Variants in IQGAP2 observed in about 807,000 individuals in gnomAD.
The protein encoded by IQGAP2 is ras GTPase-activating-like protein IQGAP2.
Under a neutral mutation model 201.3 loss-of-function variants are expected in IQGAP2, and 173 were observed. That is an observed-to-expected ratio of 0.86 (90% CI 0.76 to 0.98). The LOEUF (loss-of-function observed/expected upper bound fraction) is 0.98. IQGAP2 is among the 50% of genes least tolerant of loss of function. IQGAP2 has a pLI of 0.00. For missense variants in IQGAP2, 1,687 were observed against 1,864.8 expected, an observed-to-expected ratio of 0.90 and a Z score of 1.76; for synonymous variants, 675 against 673.9, an observed-to-expected ratio of 1.00 and a Z score of -0.03.
chr5:76,458,473 C>T (rs1364841502), intron 1 of IQGAP2, among the ~76,000 whole-genome samples: 1 of 152,146 alleles, frequency 6.6e-6, no homozygotes, highest in Non-Finnish European at 1.5e-5. Flanking sequence ...GAAGGACTTG[C>T]TTTTGCTGTT....
chr5:76,695,716 A>AG, intron 32 of IQGAP2, 50 bp downstream of exon 32: 1 of 1,477,648 alleles, frequency 6.8e-7, no homozygotes, highest in Non-Finnish European at 9.4e-7. Context: ...ACATTTGCTA[A>AG]TCACCAGTCA....
chr5:76,664,471 G>A lies in IQGAP2; in HGVS notation c.2530-555G>A, dbSNP rs144092693. On this transcript the variant is annotated intron_variant, in intron 21 of 35. Transcript: ENST00000274364. ...AGGCCAAAGCGGGTGGATCAAGAGGGCAGGAGATCGAGACCAGCCTGGCCA... is the reference window on the plus strand; with the variant it reads ...AGGCCAAAGCGGGTGGATCAAGAGGACAGGAGATCGAGACCAGCCTGGCCA... 6.7e-3 allele frequency among the ~76,000 whole-genome samples: 1,020 copies of A among 152,234 alleles called. 4 individuals carry two copies. Among genetic ancestry groups the A allele is most frequent in the Non-Finnish European group, 0.011 (729 of 68,006 alleles).
At chr5:76,586,901 T>C (rs1488150657) in intron 5 of IQGAP2, among the ~76,000 whole-genome samples, 2 of 152,212 alleles carry the variant, frequency 1.3e-5, no homozygotes, top group Non-Finnish European at 2.9e-5. Context: ...GTTTGAGCCT[T>C]CCTGGCTTGT....
chr5:76,694,790 C>T (rs1746577434), intron 31 of IQGAP2, among the ~76,000 whole-genome samples: 1 of 152,182 alleles, frequency 6.6e-6, no homozygotes, highest in African/African-American at 2.4e-5. Context: ...TTGTCTAGTA[C>T]AATGAAATGG....
intron 2 of IQGAP2, among the ~76,000 whole-genome samples, chr5:76,560,663 T>C (rs564538454): frequency 6.6e-6 from 1 of 152,362 alleles, no homozygotes; most frequent in Non-Finnish European, 1.5e-5. Context: ...TTTCTGATTA[T>C]ATCCTACCAT....
chr5:76,537,868 A>C (rs1262218559), intron 2 of IQGAP2, among the ~76,000 whole-genome samples: 1 of 152,190 alleles, frequency 6.6e-6, no homozygotes, highest in Non-Finnish European at 1.5e-5. Flanking sequence ...CCCTCGGGGC[A>C]GCACCCAGAT....
At chr5:76,442,528 A>G (rs1334750930) in intron 1 of IQGAP2, among the ~76,000 whole-genome samples, 1 of 152,192 alleles carries the variant, frequency 6.6e-6, no homozygotes, top group Non-Finnish European at 1.5e-5. Flanking sequence ...AACATAGTAC[A>G]GTTTTAGAGC....
rs114405019 is a variant in IQGAP2 at position 76,511,011 on chromosome 5, G to A, written c.146+49342G>A. ...GGCCTTACCCATGAAGCATTATTGA[G>A]AGAATGAAAGGAGAACAGAGATGGG... On this transcript the variant is annotated intron_variant, in intron 2 of 35. Transcript: ENST00000274364. Among the ~76,000 whole-genome samples the A allele has an allele frequency of 5.9e-3, 900 of 152,322 alleles. 9 individuals are homozygous for A. Among genetic ancestry groups the A allele is most frequent in the African/African-American group, 0.02 (815 of 41,576 alleles).
chr5:76,505,160 A>G lies in IQGAP2; in HGVS notation c.146+43491A>G, dbSNP rs530011217. On this transcript the variant is annotated intron_variant, in intron 2 of 35. Transcript: ENST00000274364. ...AGCAATAAGGGCTTTGTCTTTGCTT[A>G]CAGTATATGCTCAGTGCCTAGGGCA... 2.0e-5 allele frequency among the ~76,000 whole-genome samples: 3 copies of G among 152,332 alleles called. No individual in the cohort carries two copies. In the South Asian group the frequency reaches 6.2e-4, roughly 32 times the overall value.
chr5:76,547,367 C>G, intron 2 of IQGAP2: 1 of 772,818 alleles, frequency 1.3e-6, no homozygotes, highest in Non-Finnish European at 1.6e-6. Flanking sequence ...TCTGGAATGT[C>G]CATTATTTAA....
intron 2 of IQGAP2, among the ~76,000 whole-genome samples, chr5:76,480,799 C>G (rs1041540843): frequency 1.3e-5 from 2 of 150,712 alleles, no homozygotes; most frequent in Non-Finnish European, 1.5e-5. Context: ...CCTGGGCACA[C>G]AGCTGTCTTA....
intron 14 of IQGAP2, among the ~76,000 whole-genome samples, chr5:76,629,286 A>G (rs561403251): frequency 3.6e-4 from 55 of 152,358 alleles, no homozygotes; most frequent in African/African-American, 1.3e-3. Flanking sequence ...GAATTTGATT[A>G]AAAACATTCT....
At chr5:76,466,780 G>A in intron 2 of IQGAP2, among the ~76,000 whole-genome samples, 1 of 152,198 alleles carries the variant, frequency 6.6e-6, no homozygotes, top group East Asian at 1.9e-4. Context: ...AATCTTTGTA[G>A]CCTTGGGTGT....
intron 12 of IQGAP2, chr5:76,608,913 G>A: frequency 3.7e-6 from 2 of 537,268 alleles, no homozygotes; most frequent in Admixed American, 3.1e-5. Flanking sequence ...CTCTCTTGTG[G>A]ACTAGAATGT....
chr5:76,454,318 T>G (rs756617461), intron 1 of IQGAP2, among the ~76,000 whole-genome samples: 12 of 151,866 alleles, frequency 7.9e-5, no homozygotes, highest in Non-Finnish European at 1.2e-4. Flanking sequence ...TACTTTAAGT[T>G]TTAGGGTACA....
intron 2 of IQGAP2, among the ~76,000 whole-genome samples, chr5:76,549,654 G>A (rs61414922): frequency 0.016 from 2,471 of 152,214 alleles, 61 homozygotes; most frequent in African/African-American, 0.055. Flanking sequence ...AGGTGTCAAT[G>A]TGTTTGGTTT....
At chr5:76,547,503 G>T in intron 2 of IQGAP2, 3 of 748,180 alleles carry the variant, frequency 4.0e-6, no homozygotes, top group Non-Finnish European at 4.9e-6. Context: ...TCCTGCCTAC[G>T]TTGGGGCAAA....
intron 2 of IQGAP2, among the ~76,000 whole-genome samples, chr5:76,515,279 G>A (rs1314449771): frequency 3.9e-5 from 6 of 152,182 alleles, no homozygotes; most frequent in African/African-American, 1.2e-4. Context: ...ATATTTAAAT[G>A]ATGCTGTTGT....
At chr5:76,453,106 G>C (rs1313591066) in intron 1 of IQGAP2, among the ~76,000 whole-genome samples, 2 of 152,012 alleles carry the variant, frequency 1.3e-5, no homozygotes, top group Non-Finnish European at 2.9e-5. Context: ...AGTAGAAACG[G>C]TGTTTCACCA....
Sources: allele counts gnomAD v4.1 joint callset (sites outside exome capture counted in the v4.1 genomes callset), GRCh38; gene constraint gnomAD v4.1.1; transcripts MANE v1.5; gene names NCBI Gene and HGNC (gene_info 2026-07-23, HGNC 2026-07-21).